DDX31: variants seen among roughly 807,000 people sequenced by gnomAD.
The protein encoded by DDX31 is ATP-dependent DNA helicase DDX31.
A neutral mutation model predicts 91.3 loss-of-function variants in DDX31; 70 were observed. The ratio of observed to expected loss-of-function variants is 0.77; its 90% confidence interval spans 0.63 to 0.94. The LOEUF (loss-of-function observed/expected upper bound fraction) is 0.94. Among genes scored for constraint, DDX31 ranks in the 40% least tolerant of loss-of-function variants. DDX31 has a pLI of 0.00. For synonymous variants in DDX31, 362 were observed against 350.6 expected (o/e 1.03, Z -0.36); for missense variants, 902 against 925.0 (o/e 0.98, Z 0.32).
Position 132,669,926 on chromosome 9 carries a change from G to A in DDX31, c.9C>T (p.Ala3=), listed in dbSNP as rs1429689625. The change falls in exon 1 of 20, where the codon GCC becomes GCT. Residue 3 remains alanine (A), a synonymous_variant. Transcript: ENST00000372159. ...GGTTGTCGAAGAGCGAACCGTCGGC[G>A]GCTGCCATGGTCTGCGTGGGTGACG... MA[A]ADGSLFDNPR... is the part of the protein sequence containing the mutation. 2.5e-6 allele frequency: 4 copies of A among 1,593,090 alleles called. No individual in the cohort carries two copies. Among genetic ancestry groups the A allele is most frequent in the Non-Finnish European group, 3.4e-6 (4 of 1,170,902 alleles).
chr9:132,601,164 G>A (rs1830700429), intron 19 of DDX31, among the ~76,000 whole-genome samples: 1 of 152,140 alleles, frequency 6.6e-6, no homozygotes, highest in Non-Finnish European at 1.5e-5. Context: ...TGGGTGAACT[G>A]GATGAAATCA....
At chr9:132,636,867 C>G (rs895191254) in intron 14 of DDX31, among the ~76,000 whole-genome samples, 6 of 152,164 alleles carry the variant, frequency 3.9e-5, no homozygotes, top group Non-Finnish European at 8.8e-5. Flanking sequence ...CACTTAGGGG[C>G]TGTCCAATCT....
intron 14 of DDX31, chr9:132,638,393 G>A (rs1426380524): frequency 7.4e-6 from 12 of 1,614,074 alleles, no homozygotes; most frequent in Non-Finnish European, 8.5e-7. Context: ...ACATTTTGCA[G>A]ATAATCCAGT....
At chr9:132,621,059 G>C (rs1216549170) in intron 17 of DDX31, among the ~76,000 whole-genome samples, 1 of 152,166 alleles carries the variant, frequency 6.6e-6, no homozygotes, top group Non-Finnish European at 1.5e-5. Context: ...CTCCTTTGTT[G>C]GGATAAGTTT....
chr9:132,612,258 GA>G lies in DDX31; in HGVS notation c.1826-4del. Reference sequence around the variant, plus strand: ...GGCTTGGATGAAGGACTGCAGAGCTGAAAGAAAAGAGAGCGGGGAGGGAAGC... The same window carrying G: ...GGCTTGGATGAAGGACTGCAGAGCTGAAGAAAAGAGAGCGGGGAGGGAAGC... On this transcript the variant is annotated splice_polypyrimidine_tract_variant and splice_region_variant and intron_variant, in intron 18 of 19. Transcript: ENST00000372159. 1 of 1,614,160 alleles carries G rather than the reference GA, an allele frequency of 6.2e-7. No individual in the cohort carries two copies. The highest frequency in any genetic ancestry group is 1.1e-5 in the South Asian group (1 of 91,076).
At chr9:132,608,451 T>G (rs967105264) in intron 19 of DDX31, among the ~76,000 whole-genome samples, 1 of 152,158 alleles carries the variant, frequency 6.6e-6, no homozygotes, top group Admixed American at 6.6e-5. Context: ...AAAGGCAATG[T>G]AAGAGACGAA....
At chr9:132,613,377 G>A (rs1282207898) in intron 18 of DDX31, among the ~76,000 whole-genome samples, 2 of 152,192 alleles carry the variant, frequency 1.3e-5, no homozygotes, top group Non-Finnish European at 2.9e-5. Flanking sequence ...ACTACGTCAG[G>A]AAAGTTTCAG....
intron 19 of DDX31, among the ~76,000 whole-genome samples, chr9:132,599,610 T>C (rs1353542814): frequency 6.6e-6 from 1 of 152,252 alleles, no homozygotes; most frequent in Non-Finnish European, 1.5e-5. Flanking sequence ...TGGTAGAATT[T>C]TGTCCTATAG....
At chr9:132,619,356 C>G (rs1208830680) in intron 17 of DDX31, among the ~76,000 whole-genome samples, 1 of 152,148 alleles carries the variant, frequency 6.6e-6, no homozygotes, top group Non-Finnish European at 1.5e-5. Context: ...TTGAGTGGTG[C>G]TAGTGCCTCT....
intron 18 of DDX31, among the ~76,000 whole-genome samples, chr9:132,616,680 CTT>C (rs1015692308): frequency 5.9e-5 from 9 of 152,306 alleles, no homozygotes; most frequent in Admixed American, 1.3e-4. Context: ...CCCTATTCCT[CTT>C]GAGAGACACA....
Position 132,669,861 on chromosome 9 carries a change from C to A in DDX31, c.74G>T (p.Arg25Leu), listed in dbSNP as rs868374912. 2 of 1,583,048 alleles carry A rather than the reference C, an allele frequency of 1.3e-6. No homozygotes were observed. Among genetic ancestry groups the A allele is most frequent in the Non-Finnish European group, 1.7e-6 (2 of 1,166,390 alleles). The part of the protein sequence containing the change: ...FSRRPPAQAS[R>L]QAKATKRKYQ... ...AGCTGAAGCCGGGTCAGAACTCACC[C>A]GACTCGCCTGGGCTGGGGGACGTCT... The change falls in exon 1 of 20, where the codon CGG becomes CTG. Residue 25 changes from arginine to leucine, a missense_variant and splice_region_variant. Transcript: ENST00000372159.
chr9:132,652,625 C>T (rs946456804), intron 6 of DDX31, 133 bp from the exon 7 acceptor site: 4 of 1,149,680 alleles, frequency 3.5e-6, no homozygotes, highest in South Asian at 1.4e-5. Context: ...AATAAGGTTG[C>T]CCACTGATGT....
chr9:132,626,298 A>G (rs951008057), intron 16 of DDX31, among the ~76,000 whole-genome samples: 1 of 152,152 alleles, frequency 6.6e-6, no homozygotes, highest in African/African-American at 2.4e-5. Context: ...TTAATTACTG[A>G]TGGGTGAAGA....
chr9:132,662,185 C>A (rs1001309739), intron 3 of DDX31, 76 bp downstream of exon 3: 1 of 1,394,768 alleles, frequency 7.2e-7, no homozygotes, highest in African/African-American at 1.4e-5. Context: ...CCTCCTAGAG[C>A]GGCCATTTCA....
intron 14 of DDX31, chr9:132,638,357 T>C (rs751041426): frequency 6.2e-7 from 1 of 1,614,158 alleles, no homozygotes; most frequent in South Asian, 1.1e-5. Flanking sequence ...TTAGGGTGAG[T>C]TCTTCACTGT....
chr9:132,649,880 T>C (rs1468981343), intron 9 of DDX31, among the ~76,000 whole-genome samples: 1 of 152,170 alleles, frequency 6.6e-6, no homozygotes, highest in Non-Finnish European at 1.5e-5. Flanking sequence ...CTTGTTTTTG[T>C]AAAAGCAAAC....
chr9:132,628,575 GTGT>G (rs1832537507), intron 16 of DDX31, among the ~76,000 whole-genome samples: 1 of 152,164 alleles, frequency 6.6e-6, no homozygotes, highest in African/African-American at 2.4e-5. Flanking sequence ...CTACTTGAAT[GTGT>G]TATTAGAGAA....
intron 1 of DDX31, among the ~76,000 whole-genome samples, chr9:132,666,657 G>T (rs544764688): frequency 6.6e-6 from 1 of 151,818 alleles, no homozygotes; most frequent in South Asian, 2.1e-4. Flanking sequence ...GAGTGGCTGG[G>T]ATCACAGGCA....
chr9:132,654,960 A>G (rs1834468141), intron 6 of DDX31, among the ~76,000 whole-genome samples: 1 of 151,750 alleles, frequency 6.6e-6, no homozygotes, highest in Non-Finnish European at 1.5e-5. Flanking sequence ...AAAAAAAAAA[A>G]AAAAGAAGAA....
Sources: allele counts gnomAD v4.1 joint callset (sites outside exome capture counted in the v4.1 genomes callset), GRCh38; gene constraint gnomAD v4.1.1; transcripts MANE v1.5; gene names NCBI Gene and HGNC (gene_info 2026-07-23, HGNC 2026-07-21).